Variants in PDE1A observed in about 807,000 individuals in gnomAD.
PDE1A encodes the protein phosphodiesterase 1A.
A neutral mutation model predicts 61.7 loss-of-function variants in PDE1A; 35 were observed. That is an observed-to-expected ratio of 0.57 (90% CI 0.43 to 0.75). PDE1A has a LOEUF of 0.75. Among genes scored for constraint, PDE1A ranks in the 30% least tolerant of loss-of-function variants. The pLI is 0.00. For synonymous variants in PDE1A, 232 were observed against 213.2 expected, an observed-to-expected ratio of 1.09 and a Z score of -0.77; for missense variants, 597 against 630.6, an observed-to-expected ratio of 0.95 and a Z score of 0.57.
chr2:182,415,767 TATCTC>T (rs1702877590), intron 1 of PDE1A, among the ~76,000 whole-genome samples: 1 of 152,174 alleles, frequency 6.6e-6, no homozygotes, highest in Non-Finnish European at 1.5e-5. Context: ...ATAATTTACT[TATCTC>T]AACTTTTTTT....
rs183189610 is a variant in PDE1A at position 182,424,574 on chromosome 2, G to C, written c.53+2004C>G. 2.2e-4 allele frequency among the ~76,000 whole-genome samples: 34 copies of C among 152,264 alleles called. No individual in the cohort carries two copies. The East Asian group carries it at 6.6e-3, about 29-fold the overall frequency. ...AAGAAAGGAGGCTGACGAAGAAAAC[G>C]AAGTGAGGCATGAGATAAGAAGCAA... On this transcript the variant is annotated intron_variant, in intron 1 of 13. Coordinates refer to ENST00000351439, the Ensembl canonical transcript of PDE1A.
intron 1 of PDE1A, among the ~76,000 whole-genome samples, chr2:182,323,735 G>A (rs907401045): frequency 6.6e-6 from 1 of 152,166 alleles, no homozygotes; most frequent in East Asian, 1.9e-4. Flanking sequence ...GGAACACAAG[G>A]AGGATAGTAA....
At chr2:182,446,376 G>C (rs1368050622) in intron 2 of PDE1A, among the ~76,000 whole-genome samples, 1 of 151,994 alleles carries the variant, frequency 6.6e-6, no homozygotes, top group African/African-American at 2.4e-5. Context: ...TATCATAAAG[G>C]CATGCTGTTT....
At chr2:182,454,845 G>A (rs1456182015) in intron 2 of PDE1A, among the ~76,000 whole-genome samples, 1 of 150,694 alleles carries the variant, frequency 6.6e-6, no homozygotes, top group Non-Finnish European at 1.5e-5. Context: ...TACGATTGAG[G>A]ACATAGGCAT....
intron 1 of PDE1A, among the ~76,000 whole-genome samples, chr2:182,305,754 G>A (rs1448499872): frequency 2.0e-5 from 3 of 151,750 alleles, no homozygotes; most frequent in African/African-American, 4.8e-5. Flanking sequence ...TTATTATATT[G>A]TAATTTGACA....
intron 1 of PDE1A, among the ~76,000 whole-genome samples, chr2:182,417,381 ACTGATTC>A (rs1387108764): frequency 2.6e-5 from 4 of 152,150 alleles, no homozygotes; most frequent in African/African-American, 9.7e-5. Context: ...TAAGAAAAAC[ACTGATTC>A]CTGGGTTTTA....
At chr2:182,564,189 G>A in the PDE1A span, among the ~76,000 whole-genome samples, 1 of 152,076 alleles carries the variant, frequency 6.6e-6, no homozygotes, top group Non-Finnish European at 1.5e-5. Context: ...GCAGTGGCTG[G>A]TACTGGTTGT....
At chr2:182,601,789 C>A in the PDE1A span, among the ~76,000 whole-genome samples, 2 of 152,208 alleles carry the variant, frequency 1.3e-5, no homozygotes, top group East Asian at 1.9e-4. Flanking sequence ...AGTAGAGACC[C>A]TGGAGTGGGA....
chr2:182,360,220 A>G (rs1213809850), intron 1 of PDE1A, among the ~76,000 whole-genome samples: 1 of 152,092 alleles, frequency 6.6e-6, no homozygotes, highest in Admixed American at 6.6e-5. Flanking sequence ...TTTGTGATTA[A>G]TCTTAGATTT....
At position 182,503,693 on chromosome 2, in the gene PDE1A, G is replaced by C. The variant is rs192257140; in HGVS notation, c.101+18583C>G. Among the ~76,000 whole-genome samples, 3 of 152,198 alleles carry C rather than the reference G, an allele frequency of 2.0e-5. No individual in the cohort carries two copies. In the East Asian group the frequency reaches 5.8e-4, roughly 29 times the overall value. On this transcript the variant is annotated intron_variant, in intron 2 of 14. Transcript: ENST00000410103. ...TCACCATCACGAGAAGCTCTTTCCT[G>C]ACCACTCTGGTCTAAAATACAGACT...
chr2:182,597,328 T>C, the PDE1A span, among the ~76,000 whole-genome samples: 1 of 152,170 alleles, frequency 6.6e-6, no homozygotes. Flanking sequence ...ATATGACTTA[T>C]TCTGGAAGAT....
the PDE1A span, among the ~76,000 whole-genome samples, chr2:182,686,577 G>C: frequency 1.3e-5 from 2 of 152,212 alleles, no homozygotes; most frequent in African/African-American, 4.8e-5. Context: ...AATAGGAACA[G>C]CTCCAGTCTA....
chr2:182,633,876 G>A, the PDE1A span, among the ~76,000 whole-genome samples: 1 of 152,080 alleles, frequency 6.6e-6, no homozygotes. Context: ...ATAAGCCCAG[G>A]AGTTCAAGAC....
intron 7 of PDE1A, among the ~76,000 whole-genome samples, chr2:182,207,859 C>T (rs189871179): frequency 3.9e-5 from 6 of 152,336 alleles, no homozygotes; most frequent in Non-Finnish European, 8.8e-5. Flanking sequence ...GCTGCTCTAG[C>T]TCCAGTCGTG....
At chr2:182,589,019 G>C in the PDE1A span, among the ~76,000 whole-genome samples, 2 of 149,226 alleles carry the variant, frequency 1.3e-5, no homozygotes, top group African/African-American at 4.9e-5. Context: ...CTCCAGCCTG[G>C]GCGACAGAGT....
chr2:182,386,147 C>T (rs999926108), intron 1 of PDE1A, among the ~76,000 whole-genome samples: 1 of 152,204 alleles, frequency 6.6e-6, no homozygotes, highest in African/African-American at 2.4e-5. Context: ...TCACTCAGTG[C>T]TCAATGTTGC....
At chr2:182,494,766 T>G (rs573244328) in intron 2 of PDE1A, among the ~76,000 whole-genome samples, 1 of 152,086 alleles carries the variant, frequency 6.6e-6, no homozygotes, top group Non-Finnish European at 1.5e-5. Context: ...TGGAATCTTC[T>G]TCCTCTCCAA....
chr2:182,618,492 C>G, the PDE1A span, among the ~76,000 whole-genome samples: 1 of 151,720 alleles, frequency 6.6e-6, no homozygotes, highest in East Asian at 1.9e-4. Context: ...GGAAGGTGAG[C>G]AACACAGTGG....
chr2:182,211,940 C>A (rs1687637377), intron 7 of PDE1A, among the ~76,000 whole-genome samples: 1 of 152,060 alleles, frequency 6.6e-6, no homozygotes, highest in Non-Finnish European at 1.5e-5. Context: ...ATATCATCTG[C>A]AAACAAAGAT....
Sources: allele counts gnomAD v4.1 joint callset (sites outside exome capture counted in the v4.1 genomes callset), GRCh38; gene constraint gnomAD v4.1.1; transcripts MANE v1.5; gene names NCBI Gene and HGNC (gene_info 2026-07-23, HGNC 2026-07-21).